The following DCDC2C variants were observed in gnomAD, a reference collection of about 807,000 sequenced individuals.
DCDC2C encodes doublecortin domain containing 2C.
A neutral mutation model predicts 45.0 loss-of-function variants in DCDC2C; 44 were observed. The observed-to-expected ratio is 0.98, with a 90% CI of 0.77 to 1.26. The LOEUF is 1.26. Among genes scored for constraint, DCDC2C ranks in the 50% most tolerant of loss-of-function variants. The pLI is 0.00. For synonymous variants in DCDC2C, 187 were observed against 178.8 expected (o/e 1.05, Z -0.37); for missense variants, 447 against 468.9 (o/e 0.95, Z 0.43).
At chr2:3,744,252 G>T (rs989066831) in intron 4 of DCDC2C, among the ~76,000 whole-genome samples, 1 of 152,224 alleles carries the variant, frequency 6.6e-6, no homozygotes, top group Non-Finnish European at 1.5e-5. Flanking sequence ...GAGGGACAGG[G>T]AGGGATGGAG....
At chr2:3,844,390 T>C in intron 10 of DCDC2C, 1 of 152,408 alleles carries the variant, frequency 6.6e-6, no homozygotes, top group African/African-American at 2.4e-5. Flanking sequence ...AGCAGCCACC[T>C]GAGATGCCGG....
chr2:3,794,401 CATGTGCACA>C (rs1485015445), intron 10 of DCDC2C, among the ~76,000 whole-genome samples: 1 of 152,042 alleles, frequency 6.6e-6, no homozygotes, highest in Admixed American at 6.6e-5. Flanking sequence ...TTTTAGGGTA[CATGTGCACA>C]ATGTGCAGGT....
chr2:3,764,751 G>T (rs1319379831), intron 6 of DCDC2C, among the ~76,000 whole-genome samples: 3 of 152,190 alleles, frequency 2.0e-5, no homozygotes, highest in Admixed American at 1.3e-4. Flanking sequence ...AGATGCCAAG[G>T]TCATGAAAGA....
chr2:3,735,135 AACTGAACTT>A (rs1427959908), intron 3 of DCDC2C, among the ~76,000 whole-genome samples: 4 of 152,188 alleles, frequency 2.6e-5, no homozygotes, highest in Non-Finnish European at 5.9e-5. Flanking sequence ...CACACAGGAT[AACTGAACTT>A]TGTGTCTAGC....
chr2:3,809,412 T>C (rs1671334673), intron 10 of DCDC2C, among the ~76,000 whole-genome samples: 1 of 152,190 alleles, frequency 6.6e-6, no homozygotes, highest in South Asian at 2.1e-4. Context: ...TTGAAATGAG[T>C]GTTTTGTAGC....
intron 3 of DCDC2C, among the ~76,000 whole-genome samples, chr2:3,737,946 C>T (rs1200330667): frequency 1.3e-5 from 2 of 152,046 alleles, no homozygotes; most frequent in East Asian, 3.9e-4. Flanking sequence ...TAGTTTTATG[C>T]CTTTTGAAAT....
intron 10 of DCDC2C, among the ~76,000 whole-genome samples, chr2:3,840,413 T>C (rs1672183915): frequency 6.6e-6 from 1 of 152,244 alleles, no homozygotes; most frequent in African/African-American, 2.4e-5. Flanking sequence ...AAGTAAAATA[T>C]GCTTTTCGGC....
intron 4 of DCDC2C, among the ~76,000 whole-genome samples, chr2:3,752,026 G>A (rs1291834439): frequency 5.9e-5 from 9 of 152,228 alleles, no homozygotes; most frequent in East Asian, 1.9e-4. Context: ...TTACAGCACC[G>A]TACATGATGA....
At chr2:3,768,361 A>G (rs11682564) in intron 7 of DCDC2C, among the ~76,000 whole-genome samples, 36,917 of 151,970 alleles carry the variant, frequency 0.24, 5,915 homozygotes, top group African/African-American at 0.46. Flanking sequence ...ACTATTACTA[A>G]CTCTCACTGA....
intron 3 of DCDC2C, among the ~76,000 whole-genome samples, chr2:3,732,109 A>C (rs357951): frequency 0.79 from 120,424 of 151,988 alleles, 48,555 homozygotes; most frequent in South Asian, 0.93. Context: ...ATGGAGGGAA[A>C]CAGGGAGGGC....
At chr2:3,816,788 C>T (rs1671569526) in intron 10 of DCDC2C, among the ~76,000 whole-genome samples, 1 of 152,136 alleles carries the variant, frequency 6.6e-6, no homozygotes, top group African/African-American at 2.4e-5. Context: ...CAGTCCTGGG[C>T]AGGGGCAAAT....
intron 10 of DCDC2C, among the ~76,000 whole-genome samples, chr2:3,805,931 G>T (rs1671232611): frequency 6.6e-6 from 1 of 152,144 alleles, no homozygotes; most frequent in Non-Finnish European, 1.5e-5. Context: ...CTAGAGTGCG[G>T]GTTGTACTGC....
intron 10 of DCDC2C, among the ~76,000 whole-genome samples, chr2:3,821,340 A>G (rs1273858775): frequency 6.6e-6 from 1 of 152,194 alleles, no homozygotes; most frequent in Admixed American, 6.5e-5. Context: ...GAGACCTGAC[A>G]GTTGTCTGTA....
chr2:3,749,671 G>GC (rs1237239787), intron 4 of DCDC2C, among the ~76,000 whole-genome samples: 8 of 152,198 alleles, frequency 5.3e-5, no homozygotes, highest in Non-Finnish European at 1.2e-4. Flanking sequence ...CGTGTGGGCG[G>GC]CCAAGGTGTC....
chr2:3,746,077 C>A (rs966534461), intron 4 of DCDC2C, among the ~76,000 whole-genome samples: 1 of 152,052 alleles, frequency 6.6e-6, no homozygotes, highest in Non-Finnish European at 1.5e-5. Flanking sequence ...AAAAGGCGCT[C>A]GTAGAGGCTG....
At chr2:3,790,878 G>A (rs1173848160) in intron 10 of DCDC2C, among the ~76,000 whole-genome samples, 4 of 152,158 alleles carry the variant, frequency 2.6e-5, no homozygotes, top group East Asian at 1.9e-4. Context: ...GGAGGCCAAG[G>A]AGGACAGATC....
At chr2:3,838,990 T>C (rs1672147077) in intron 10 of DCDC2C, among the ~76,000 whole-genome samples, 1 of 152,294 alleles carries the variant, frequency 6.6e-6, no homozygotes, top group African/African-American at 2.4e-5. Context: ...CATGTTTGAA[T>C]ACAGAAAATA....
chr2:3,817,408 C>G (rs571131228), intron 10 of DCDC2C, among the ~76,000 whole-genome samples: 1 of 152,068 alleles, frequency 6.6e-6, no homozygotes, highest in African/African-American at 2.4e-5. Context: ...ACTCACAGTC[C>G]CTTTGCAAGA....
intron 3 of DCDC2C, among the ~76,000 whole-genome samples, chr2:3,732,985 C>G (rs1477690552): frequency 2.0e-5 from 3 of 152,130 alleles, no homozygotes; most frequent in African/African-American, 7.2e-5. Context: ...TGTAATTTTG[C>G]TAGTGAAATG....
Sources: allele counts gnomAD v4.1 joint callset (sites outside exome capture counted in the v4.1 genomes callset), GRCh38; gene constraint gnomAD v4.1.1; transcripts MANE v1.5; gene names NCBI Gene and HGNC (gene_info 2026-07-23, HGNC 2026-07-21).